The following WDR19 variants were observed in gnomAD, a reference collection of about 807,000 sequenced individuals.
WDR19 encodes the protein WD repeat-containing protein 19.
A neutral mutation model predicts 180.0 loss-of-function variants in WDR19; 121 were observed. That is an observed-to-expected ratio of 0.67 (90% CI 0.58 to 0.78). WDR19 has a LOEUF of 0.78. Among genes scored for constraint, WDR19 ranks in the 30% least tolerant of loss-of-function variants. The pLI is 0.00. For missense variants in WDR19, 1,450 were observed against 1,640.7 expected (o/e 0.88, Z 2.01); for synonymous variants, 497 against 540.7 (o/e 0.92, Z 1.12).
intron 9 of WDR19, among the ~76,000 whole-genome samples, chr4:39,210,969 T>C (rs566100828): frequency 6.6e-6 from 1 of 151,980 alleles, no homozygotes; most frequent in Non-Finnish European, 1.5e-5. Flanking sequence ...AGACCCCATC[T>C]CTACAAGTTA....
In WDR19 at chr4:39,255,859, A is replaced by T. The variant is rs757632232; in HGVS notation, c.3013A>T (p.Thr1005Ser). 19 of 1,590,362 alleles carry T rather than the reference A, an allele frequency of 1.2e-5. No individual in the cohort carries two copies. The highest frequency in any genetic ancestry group is 1.5e-5 in the Non-Finnish European group (18 of 1,167,706). The change falls in exon 27 of 37, where the codon ACT becomes TCT. Residue 1005 changes from threonine to serine, a missense_variant. Transcript: ENST00000399820. ...IYADIIGSED[T>S]TNEDYQSIAL... ...AACTTCTGTTACAGGTTCTGAAGACACTACTAATGAAGACTATCAAAGCAT... is the reference window on the plus strand; with the variant it reads ...AACTTCTGTTACAGGTTCTGAAGACTCTACTAATGAAGACTATCAAAGCAT...
intron 4 of WDR19, among the ~76,000 whole-genome samples, chr4:39,191,662 A>G (rs929039061): frequency 1.3e-5 from 2 of 152,212 alleles, no homozygotes; most frequent in African/African-American, 4.8e-5. Context: ...AGAAAACCCT[A>G]TACATAACAT....
intron 26 of WDR19, among the ~76,000 whole-genome samples, chr4:39,254,501 T>C (rs1733562256): frequency 2.0e-5 from 3 of 152,374 alleles, no homozygotes; most frequent in Middle Eastern, 3.4e-3. Flanking sequence ...TTTGATATTC[T>C]GAGAATGCCT....
chr4:39,210,435 C>A (rs559388211), intron 9 of WDR19, among the ~76,000 whole-genome samples: 1 of 152,236 alleles, frequency 6.6e-6, no homozygotes, highest in Non-Finnish European at 1.5e-5. Context: ...GTAATCCCAG[C>A]GCTTTGGGAG....
chr4:39,210,615 A>C lies in WDR19; in HGVS notation c.891-3986A>C, dbSNP rs1437215450. 2.6e-5 allele frequency among the ~76,000 whole-genome samples: 4 copies of C among 152,126 alleles called. No individual in the cohort carries two copies. The East Asian group carries it at 7.7e-4, about 29-fold the overall frequency. ...GCTGAGCCAAGGAGTTTGAGGTTGC[A>C]GTGAGCTGCAGTTGCATCACTGCAC... On this transcript the variant is annotated intron_variant, in intron 9 of 36. Coordinates refer to ENST00000399820, the MANE Select transcript of WDR19 (RefSeq NM_025132.4).
chr4:39,201,821 A>G (rs1291980037), intron 6 of WDR19, among the ~76,000 whole-genome samples: 1 of 152,170 alleles, frequency 6.6e-6, no homozygotes, highest in Non-Finnish European at 1.5e-5. Context: ...TTATTTACAT[A>G]TAAGATAACT....
chr4:39,238,228 T>TA (rs1410053493), intron 20 of WDR19, among the ~76,000 whole-genome samples: 4 of 152,312 alleles, frequency 2.6e-5, no homozygotes, highest in African/African-American at 9.6e-5. Context: ...CCTAAGACCC[T>TA]AGGCCTGTGT....
intron 30 of WDR19, 110 bp downstream of exon 30, chr4:39,268,201 T>C (rs1735001982): frequency 1.1e-6 from 1 of 894,032 alleles, no homozygotes; most frequent in Non-Finnish European, 1.6e-6. Context: ...ATAGGCTTGC[T>C]TTGAACCCAA....
intron 3 of WDR19, among the ~76,000 whole-genome samples, chr4:39,188,926 CT>C (rs1215829184): frequency 1.9e-4 from 28 of 146,022 alleles, no homozygotes; most frequent in East Asian, 1.4e-3. Context: ...ATTTTTTTTT[CT>C]TTTTTTTTTG....
intron 33 of WDR19, among the ~76,000 whole-genome samples, chr4:39,276,628 G>T (rs1735922865): frequency 6.6e-6 from 1 of 152,194 alleles, no homozygotes; most frequent in Admixed American, 6.5e-5. Flanking sequence ...GTCACAGACA[G>T]TTCTATTGGA....
intron 3 of WDR19, among the ~76,000 whole-genome samples, chr4:39,187,437 A>T (rs1455423000): frequency 1.3e-5 from 2 of 151,904 alleles, no homozygotes; most frequent in Admixed American, 1.3e-4. Context: ...AAAAAAAAAA[A>T]AGATGTATAG....
At chr4:39,221,616 A>G (rs1430695443) in intron 14 of WDR19, among the ~76,000 whole-genome samples, 2 of 152,224 alleles carry the variant, frequency 1.3e-5, no homozygotes, top group African/African-American at 4.8e-5. Flanking sequence ...TTTGAGGCTC[A>G]GAAATAGTGA....
intron 36 of WDR19, among the ~76,000 whole-genome samples, chr4:39,281,440 GT>G (rs58305928): frequency 0.5 from 76,202 of 151,270 alleles, 20,571 homozygotes; most frequent in African/African-American, 0.71. Context: ...CCGTTGACGT[GT>G]TTTTCCCTTG....
chr4:39,225,709 G>A (rs1164952793), intron 15 of WDR19, among the ~76,000 whole-genome samples: 1 of 152,038 alleles, frequency 6.6e-6, no homozygotes, highest in Admixed American at 6.6e-5. Context: ...GTCTCACTGT[G>A]TTGTCTCCCC....
In WDR19 at chr4:39,259,591, T is replaced by C. The variant is rs140179975; in HGVS notation, c.3183+2037T>C. On this transcript the variant is annotated intron_variant, in intron 28 of 36. Transcript: ENST00000399820. The stretch of plus-strand genomic sequence containing the variant: ...GCATGTGTCAAGAATTCATGCCTTC[T>C]TATGGCTGAATAATATTCCATCGTA... Among the ~76,000 whole-genome samples the C allele has an allele frequency of 1.1e-3, 167 of 152,376 alleles. 1 individual carries two copies. The highest frequency in any genetic ancestry group is 3.9e-3 in the African/African-American group (161 of 41,590).
At chr4:39,217,584 G>A (rs1294464324) in intron 13 of WDR19, among the ~76,000 whole-genome samples, 1 of 152,128 alleles carries the variant, frequency 6.6e-6, no homozygotes, top group African/African-American at 2.4e-5. Flanking sequence ...TGGGCTTCCT[G>A]GAAGGTGTTG....
chr4:39,272,833 A>T, intron 31 of WDR19, 147 bp from the exon 32 acceptor site: 1 of 623,460 alleles, frequency 1.6e-6, no homozygotes, highest in South Asian at 2.3e-5. Context: ...AAGTGGAGGG[A>T]TCTCTAATGG....
At chr4:39,233,845 C>G (rs577052597) in intron 19 of WDR19, among the ~76,000 whole-genome samples, 5 of 152,278 alleles carry the variant, frequency 3.3e-5, no homozygotes, top group Non-Finnish European at 7.4e-5. Context: ...TTGCATTTAA[C>G]TGTGGGCACT....
chr4:39,197,294 T>A (rs1462323717), intron 5 of WDR19, among the ~76,000 whole-genome samples: 3 of 151,530 alleles, frequency 2.0e-5, no homozygotes, highest in African/African-American at 7.3e-5. Context: ...GGTGTGGTAG[T>A]GGGCTCCTGT....
Sources: allele counts gnomAD v4.1 joint callset (sites outside exome capture counted in the v4.1 genomes callset), GRCh38; gene constraint gnomAD v4.1.1; transcripts MANE v1.5; gene names NCBI Gene and HGNC (gene_info 2026-07-23, HGNC 2026-07-21).